The following QTGAL variants were observed in gnomAD, a reference collection of about 807,000 sequenced individuals.
QTGAL encodes BGnT-like protein 1.
At chr17:83,007,665 G>A in the QTGAL span, among the ~76,000 whole-genome samples, 49 of 152,232 alleles carry the variant, frequency 3.2e-4, no homozygotes, top group East Asian at 7.7e-3. Flanking sequence ...GCTGATTGAC[G>A]CCTGCTTCCA....
chr17:83,023,485 A>G, the QTGAL span, among the ~76,000 whole-genome samples: 1 of 152,276 alleles, frequency 6.6e-6, no homozygotes, highest in African/African-American at 2.4e-5. Context: ...AAAGCCGACA[A>G]GTCAAATATA....
chr17:82,968,985 T>A, the QTGAL span, among the ~76,000 whole-genome samples: 13 of 151,766 alleles, frequency 8.6e-5, no homozygotes, highest in Admixed American at 3.3e-4. Flanking sequence ...AATATAAAAA[T>A]TAGCTGGGCG....
the QTGAL span, among the ~76,000 whole-genome samples, chr17:82,958,818 G>GTATGGTGTGTGTGTGTGTGTACAC: frequency 1.7e-5 from 2 of 119,112 alleles, 1 homozygote; most frequent in South Asian, 7.3e-4. Context: ...TGTATACTGT[G>GTATGGTGTGTGTGTGTGTGTACAC]TGGGGGTGTA....
the QTGAL span, among the ~76,000 whole-genome samples, chr17:83,024,124 C>T: frequency 2.7e-5 from 4 of 147,486 alleles, no homozygotes; most frequent in Non-Finnish European, 4.4e-5. Context: ...CAGGGGTGAA[C>T]GCACAAGAGG....
At chr17:82,943,484 G>A in the QTGAL span, 2 of 152,316 alleles carry the variant, frequency 1.3e-5, no homozygotes, top group East Asian at 3.8e-4. Flanking sequence ...AGGAGCCCAG[G>A]GGTGCCATGT....
the QTGAL span, chr17:82,956,766 T>G: frequency 6.3e-7 from 1 of 1,579,208 alleles, no homozygotes; most frequent in Non-Finnish European, 8.6e-7. The surrounding 1 kb of genome is among the most constrained non-coding windows in gnomAD (Gnocchi z 5.7). Context: ...GGCTTGGGTC[T>G]TTCCTGAGAG....
chr17:82,970,648 T>TGTGGACATGACCTCCCCACCCAGC, the QTGAL span, among the ~76,000 whole-genome samples: 329 of 33,568 alleles, frequency 9.8e-3, 59 homozygotes, highest in African/African-American at 0.038. Context: ...CCGCACCCGG[T>TGTGGACATGACCTCCCCACCCAGC]GTGGCCGCGA....
At chr17:82,997,979 A>G in the QTGAL span, among the ~76,000 whole-genome samples, 2 of 149,270 alleles carry the variant, frequency 1.3e-5, no homozygotes, top group East Asian at 3.9e-4. Flanking sequence ...CTATCTATCT[A>G]TATCTATATA....
the QTGAL span, among the ~76,000 whole-genome samples, chr17:83,026,113 C>G: frequency 2.0e-5 from 3 of 152,226 alleles, no homozygotes; most frequent in South Asian, 2.1e-4. Context: ...CTCACCATAA[C>G]CCGTGACCAG....
chr17:82,979,518 A>T, the QTGAL span: 9 of 152,258 alleles, frequency 5.9e-5, no homozygotes, highest in Non-Finnish European at 1.3e-4. Context: ...ACACAGTAGC[A>T]TGTATAATTG....
At chr17:82,958,857 T>G in the QTGAL span, among the ~76,000 whole-genome samples, 1 of 92,430 alleles carries the variant, frequency 1.1e-5, no homozygotes, top group Non-Finnish European at 2.2e-5. Context: ...ACTGGGGGTG[T>G]ATGGTGTGTG....
chr17:83,034,460 C>T, the QTGAL span, among the ~76,000 whole-genome samples: 1 of 152,222 alleles, frequency 6.6e-6, no homozygotes, highest in Non-Finnish European at 1.5e-5. Flanking sequence ...TTAAGGTTGT[C>T]TAATAACTAT....
At chr17:83,018,408 CAAAT>C in the QTGAL span, among the ~76,000 whole-genome samples, 1 of 152,214 alleles carries the variant, frequency 6.6e-6, no homozygotes, top group Admixed American at 6.5e-5. Context: ...ATTTGTAAAA[CAAAT>C]GAATAGATCT....
At chr17:82,963,943 TAA>T in the QTGAL span, among the ~76,000 whole-genome samples, 1 of 146,304 alleles carries the variant, frequency 6.8e-6, no homozygotes, top group Non-Finnish European at 1.5e-5. Flanking sequence ...TCGATTTAAC[TAA>T]AAAAAGAAAT....
the QTGAL span, chr17:83,006,485 C>T: frequency 5.1e-6 from 5 of 985,004 alleles, no homozygotes; most frequent in Non-Finnish European, 6.0e-6. This position sits in a 1 kb window ranked among gnomAD's most constrained non-coding sequence, Gnocchi z 5.8. Flanking sequence ...GTGGTAACAT[C>T]ACGAGGACCC....
the QTGAL span, chr17:83,048,619 AC>A: frequency 6.2e-7 from 1 of 1,605,468 alleles, no homozygotes; most frequent in Non-Finnish European, 8.5e-7. Context: ...CGAACAGTCA[AC>A]CGTTGCTTAC....
At chr17:82,960,165 C>T in the QTGAL span, among the ~76,000 whole-genome samples, 1 of 152,288 alleles carries the variant, frequency 6.6e-6, no homozygotes, top group East Asian at 1.9e-4. Flanking sequence ...GAGGATGATG[C>T]CCCCAATGGG....
chr17:83,012,796 A>G, the QTGAL span, among the ~76,000 whole-genome samples: 1 of 150,834 alleles, frequency 6.6e-6, no homozygotes, highest in Non-Finnish European at 1.5e-5. Context: ...TTTTCCCCCT[A>G]TTCCCCACAA....
At chr17:82,963,191 C>T in the QTGAL span, among the ~76,000 whole-genome samples, 1 of 152,190 alleles carries the variant, frequency 6.6e-6, no homozygotes, top group African/African-American at 2.4e-5. Flanking sequence ...AGGAGAAAAG[C>T]GTGAGCTAAA....
Sources: gnomAD v4.1 joint callset for allele counts (sites outside exome capture counted in the v4.1 genomes callset) on GRCh38, gnomAD v4.1.1 for gene constraint, Gnocchi (gnomAD v3.1) non-coding constraint, MANE v1.5 for transcripts, NCBI Gene and HGNC (gene_info 2026-07-23, HGNC 2026-07-21) for gene names.